SRL: variants seen among roughly 807,000 people sequenced by gnomAD.
SRL encodes the protein sarcalumenin.
A neutral mutation model predicts 39.5 loss-of-function variants in SRL; 23 were observed. That is an observed-to-expected ratio of 0.58 (90% CI 0.42 to 0.82). The LOEUF is 0.82. Ranked by LOEUF, SRL falls within the 40% of genes least tolerant of loss-of-function variation. The pLI is 0.00. For missense variants in SRL, 592 were observed against 607.8 expected, an observed-to-expected ratio of 0.97 and a Z score of 0.27; for synonymous variants, 272 against 237.4, an observed-to-expected ratio of 1.15 and a Z score of -1.34.
rs113673446 is a variant in SRL, at chr16:4,235,767, A to G, written c.61+6240T>C. ...TCATCATCTGAGTAACTCAGGCCAC[A>G]TATCCACCGCGCCAATTTCCACTTA... On this transcript the variant is annotated intron_variant, in intron 1 of 5. Coordinates refer to ENST00000399609, the MANE Select transcript of SRL (RefSeq NM_001098814.2). Among the ~76,000 whole-genome samples the G allele has an allele frequency of 4.0e-3, 610 of 152,274 alleles. 5 individuals are homozygous for G. The highest frequency in any genetic ancestry group is 0.014 in the African/African-American group (585 of 41,546).
chr16:4,197,959 T>C (rs367840218), intron 3 of SRL, 44 bp from the exon 4 acceptor site: 3 of 1,322,256 alleles, frequency 2.3e-6, no homozygotes, highest in Non-Finnish European at 3.3e-6. Context: ...CTAACAAAAG[T>C]TCACACAAGG....
At chr16:4,213,182 C>G (rs897790343) in intron 1 of SRL, among the ~76,000 whole-genome samples, 1 of 152,106 alleles carries the variant, frequency 6.6e-6, no homozygotes, top group African/African-American at 2.4e-5. Context: ...AAAGATCAAA[C>G]AGCAGAGACA....
At position 4,191,162 on chromosome 16, in the gene SRL, G is replaced by C. The variant is rs958668542; in HGVS notation, c.*991C>G. 6.6e-6 allele frequency: 1 copy of C among 152,250 alleles called. No homozygotes were observed. Among genetic ancestry groups the C allele is most frequent in the African/African-American group, 2.4e-5 (1 of 41,442 alleles). The allele number at this position is 152,250 out of a possible 1,614,324, so 9.4% of individuals were successfully genotyped here. A position where few individuals can be genotyped will look rare whatever the true frequency, so the allele number is the denominator to read the frequency against. ...CTCCTGGGTCCGATGAAGGGATCGA[G>C]CCCTCGAGCCAGCTTTGAGGAACAC... is the stretch of plus-strand genomic sequence containing the variant. On this transcript the variant is annotated 3_prime_UTR_variant, in exon 6 of 6. Coordinates refer to ENST00000399609, the MANE Select transcript of SRL (RefSeq NM_001098814.2).
At chr16:4,193,920 CATA>C (rs2052099503) in intron 5 of SRL, among the ~76,000 whole-genome samples, 1 of 149,276 alleles carries the variant, frequency 6.7e-6, no homozygotes, top group South Asian at 2.1e-4. Flanking sequence ...GTCATTATAC[CATA>C]ATAATATAAT....
chr16:4,203,033 T>G (rs17136872), intron 3 of SRL, 133 bp downstream of exon 3: 2 of 791,082 alleles, frequency 2.5e-6, no homozygotes, highest in African/African-American at 1.7e-5. Flanking sequence ...CACAAGTCCT[T>G]GCACACATCA....
intron 1 of SRL, among the ~76,000 whole-genome samples, chr16:4,222,878 G>A (rs879874913): frequency 2.6e-5 from 4 of 152,230 alleles, no homozygotes; most frequent in Middle Eastern, 3.4e-3. Context: ...TGGATCACCT[G>A]AGGTCAGGAG....
intron 1 of SRL, among the ~76,000 whole-genome samples, chr16:4,226,347 TG>T (rs1218775431): frequency 6.6e-6 from 1 of 151,734 alleles, no homozygotes; most frequent in Admixed American, 6.6e-5. Context: ...AACAGACGAA[TG>T]GATGGATGGG....
At chr16:4,210,222 T>C (rs970875640) in intron 1 of SRL, among the ~76,000 whole-genome samples, 1 of 152,148 alleles carries the variant, frequency 6.6e-6, no homozygotes, top group Non-Finnish European at 1.5e-5. Context: ...TACCTGTAAG[T>C]CCTGACTCCT....
rs751751174 is a variant in SRL, at chr16:4,195,747, T to C, written c.416A>G (p.His139Arg). 5 of 1,614,076 alleles carry C rather than the reference T, an allele frequency of 3.1e-6. No homozygotes were observed. The highest frequency in any genetic ancestry group is 2.5e-6 in the Non-Finnish European group (3 of 1,180,014). Residue 139 changes from histidine (H) to arginine (R), a missense_variant, in exon 5 of 6, where the codon CAT becomes CGT. Physicochemically the swap from His to Arg is conservative, Grantham distance 29 (BLOSUM62 0). Transcript: ENST00000399609. ...CTCGATGGTTTTCAGCTTAGGCCCA[T>C]GCATGAGGACCGTGAACTCAGAGGT... is the stretch of plus-strand genomic sequence containing the variant. ...PTTSEFTVLMHGPKLKTIEGI... is the reference protein window; with the variant it reads ...PTTSEFTVLMRGPKLKTIEGI...
At chr16:4,236,947 T>C (rs1298735352) in intron 1 of SRL, among the ~76,000 whole-genome samples, 1 of 138,030 alleles carries the variant, frequency 7.2e-6, no homozygotes. Context: ...GCCGTGAACT[T>C]TTTTTTTTTT....
intron 3 of SRL, among the ~76,000 whole-genome samples, chr16:4,202,862 C>T (rs967253364): frequency 2.0e-5 from 3 of 152,130 alleles, no homozygotes; most frequent in Non-Finnish European, 4.4e-5. Flanking sequence ...TAGGCATCAT[C>T]GCCTTTGAAA....
intron 1 of SRL, among the ~76,000 whole-genome samples, chr16:4,228,528 G>C (rs979833084): frequency 6.6e-6 from 1 of 151,986 alleles, no homozygotes; most frequent in Non-Finnish European, 1.5e-5. Flanking sequence ...TAGGTCAGGA[G>C]ATCGAGACCA....
chr16:4,242,077 C>T lies in SRL; in HGVS notation c.-10G>A. On this transcript the variant is annotated 5_prime_UTR_variant, in exon 1 of 6. Transcript: ENST00000399609. ...GGACCAGCGCCCTCATGGTGACTGC[C>T]AAGAGAGCCCAGCTGCTCCTCGCCT... is the stretch of plus-strand genomic sequence containing the variant. The T allele has an allele frequency of 6.2e-7, 1 of 1,607,872 alleles. No individual in the cohort carries two copies. The highest frequency in any genetic ancestry group is 8.5e-7 in the Non-Finnish European group (1 of 1,178,282).
rs1408666879 is a variant in SRL, at chr16:4,190,695, C to T, written c.*1458G>A. The T allele has an allele frequency of 3.4e-5, 13 of 382,418 alleles. No homozygotes were observed. The highest frequency in any genetic ancestry group is 1.5e-4 in the South Asian group (1 of 6,868). 23.7% of individuals were successfully genotyped at this position (382,418 alleles called of 1,614,324 possible). ...GGTATTGAAGGCCCTGGCTTTCCTGCGGTGTGTTCAGTGGACATCTGCATC... is the reference window on the plus strand; with the variant it reads ...GGTATTGAAGGCCCTGGCTTTCCTGTGGTGTGTTCAGTGGACATCTGCATC... On this transcript the variant is annotated 3_prime_UTR_variant, in exon 6 of 6. Transcript: ENST00000399609.
At chr16:4,200,092 T>C (rs1416104491) in intron 3 of SRL, among the ~76,000 whole-genome samples, 1 of 152,218 alleles carries the variant, frequency 6.6e-6, no homozygotes. Context: ...AGCTCAGTCC[T>C]AACCAGGTGG....
At chr16:4,199,005 C>A (rs979628295) in intron 3 of SRL, among the ~76,000 whole-genome samples, 1 of 152,140 alleles carries the variant, frequency 6.6e-6, no homozygotes, top group Admixed American at 6.5e-5. Flanking sequence ...AGTCTTATTG[C>A]AGATTTTCAG....
chr16:4,223,436 G>C (rs376809426), intron 1 of SRL, among the ~76,000 whole-genome samples: 88 of 152,050 alleles, frequency 5.8e-4, no homozygotes, highest in African/African-American at 2.1e-3. Context: ...GGAGTGCAGT[G>C]GTGCAATCAT....
At chr16:4,221,510 C>T (rs537612380) in intron 1 of SRL, among the ~76,000 whole-genome samples, 1 of 152,300 alleles carries the variant, frequency 6.6e-6, no homozygotes, top group East Asian at 1.9e-4. Context: ...GGCTGACCCT[C>T]CCCGGTCAAC....
chr16:4,216,877 G>A (rs1274699614), intron 1 of SRL, among the ~76,000 whole-genome samples: 1 of 152,172 alleles, frequency 6.6e-6, no homozygotes, highest in East Asian at 1.9e-4. Context: ...AATCTCCCTG[G>A]GATCTGTGGG....
Sources: allele counts gnomAD v4.1 joint callset (sites outside exome capture counted in the v4.1 genomes callset), GRCh38; gene constraint gnomAD v4.1.1; transcripts MANE v1.5; gene names NCBI Gene and HGNC (gene_info 2026-07-23, HGNC 2026-07-21).